MORN1: variants seen among roughly 807,000 people sequenced by gnomAD.
The protein encoded by MORN1 is MORN repeat-containing protein 1.
MORN1 carries 67 observed loss-of-function variants against 61.9 expected under a neutral mutation model. That is an observed-to-expected ratio of 1.08 (90% CI 0.89 to 1.33). The LOEUF (loss-of-function observed/expected upper bound fraction) is 1.33, where lower values mean the gene tolerates loss of function less well. Among genes scored for constraint, MORN1 ranks in the 40% most tolerant of loss-of-function variants. The pLI, the probability that MORN1 is intolerant of heterozygous loss-of-function variation, is 0.00. For synonymous variants in MORN1, 301 were observed against 292.0 expected (o/e 1.03, Z -0.31); for missense variants, 752 against 691.2 (o/e 1.09, Z -0.99).
Position 2,348,742 on chromosome 1 carries a change from C to T in MORN1, c.1036+8690G>A, listed in dbSNP as rs545885833. Among the ~76,000 whole-genome samples, 458 of 132,852 alleles carry T rather than the reference C, an allele frequency of 3.4e-3. 16 individuals are homozygous for T. Among genetic ancestry groups the T allele is most frequent in the African/African-American group, 0.013 (433 of 33,412 alleles). 87.2% of individuals were successfully genotyped at this position (132,852 alleles called of 152,430 possible). On this transcript the variant is annotated intron_variant, in intron 10 of 13. Transcript: ENST00000378531. ...GCGGGCACGCACACGCACACCTGCGCGGGCACGCACACACACGCACACCTG... is the reference window on the plus strand; with the variant it reads ...GCGGGCACGCACACGCACACCTGCGTGGGCACGCACACACACGCACACCTG...
At chr1:2,336,619 C>A (rs762978189) in intron 11 of MORN1, 71 bp from the exon 12 acceptor site, 4 of 1,591,000 alleles carry the variant, frequency 2.5e-6, no homozygotes, top group Non-Finnish European at 3.4e-6. Flanking sequence ...CTGCTCCAAC[C>A]CCCCTGGGGC....
At chr1:2,333,320 G>A (rs756005688) in intron 12 of MORN1, among the ~76,000 whole-genome samples, 1 of 152,180 alleles carries the variant, frequency 6.6e-6, no homozygotes, top group Non-Finnish European at 1.5e-5. Context: ...CCCAGCAGCC[G>A]GGTCAGCCCC....
chr1:2,390,374 T>TGAGGCACACA (rs1464266871), intron 1 of MORN1: 1 of 968,190 alleles, frequency 1.0e-6, no homozygotes, highest in African/African-American at 1.8e-5. Flanking sequence ...GCAGTGTCAG[T>TGAGGCACACA]GAGGCACACA....
rs1228803665 is a variant in MORN1 at position 2,372,016 on chromosome 1, A to T, written c.745+465T>A. 1.2e-5 allele frequency: 2 copies of T among 172,796 alleles called. No individual in the cohort carries two copies. The highest frequency in any genetic ancestry group is 4.7e-5 in the African/African-American group (2 of 42,158). 10.7% of individuals were successfully genotyped at this position (172,796 alleles called of 1,614,324 possible). A position where few individuals can be genotyped will look rare whatever the true frequency, so the allele number is the denominator to read the frequency against. On this transcript the variant is annotated intron_variant, in intron 8 of 13. Coordinates refer to ENST00000378531, the MANE Select transcript of MORN1 (RefSeq NM_024848.3). This position sits in a 1 kb window ranked among gnomAD's most constrained non-coding sequence, Gnocchi z 5.4. ...AAAACACATTCACACAAAAACTTGT[A>T]TACACATGTCCACAGCAGCACTATT...
intron 12 of MORN1, 126 bp from the exon 13 acceptor site, chr1:2,324,269 C>A: frequency 1.1e-6 from 1 of 932,306 alleles, no homozygotes; most frequent in Middle Eastern, 2.7e-4. Flanking sequence ...CAGAGGCCTG[C>A]GAACCCCACC....
intron 8 of MORN1, among the ~76,000 whole-genome samples, chr1:2,367,355 T>C (rs1642019169): frequency 6.6e-6 from 1 of 150,672 alleles, no homozygotes; most frequent in South Asian, 2.1e-4. Context: ...CTTGGTGGCT[T>C]ATGCCTGTGA....
chr1:2,323,898 C>CCCAGCCTCCAAGCCA (rs1553205277), intron 13 of MORN1, 199 bp downstream of exon 13: 1 of 985,154 alleles, frequency 1.0e-6, no homozygotes, highest in African/African-American at 1.7e-5. Flanking sequence ...CTGGACCGTC[C>CCCAGCCTCCAAGCCA]CCAGCCCCCA....
In MORN1 at chr1:2,336,839, C is replaced by T; in HGVS notation, c.1048G>A (p.Ala350Thr). ...TGACAGGCCCCGGGACAATGGGGCG[C>T]ATGTCCCCTGGCTGAGGAGACAGAA... ...TPGGLLARGHAPHCPGACQRV... is the reference protein window; with the variant it reads ...TPGGLLARGHTPHCPGACQRV... Residue 350 changes from alanine (A) to threonine (T), a missense_variant, in exon 11 of 14, where the codon GCG becomes ACG. Coordinates refer to ENST00000378531, the MANE Select transcript of MORN1 (RefSeq NM_024848.3). 3 of 1,572,288 alleles carry T rather than the reference C, an allele frequency of 1.9e-6. No homozygotes were observed. The highest frequency in any genetic ancestry group is 2.6e-6 in the Non-Finnish European group (3 of 1,162,038).
intron 8 of MORN1, among the ~76,000 whole-genome samples, 180 bp from the exon 9 acceptor site, chr1:2,358,895 C>G (rs541992858): frequency 1.3e-5 from 2 of 152,308 alleles, no homozygotes; most frequent in South Asian, 4.1e-4. Flanking sequence ...CTGCTCCTCT[C>G]CCATGCCCTG....
chr1:2,372,086 T>C lies in MORN1; in HGVS notation c.745+395A>G. 1 of 227,224 alleles carries C rather than the reference T, an allele frequency of 4.4e-6. No individual in the cohort carries two copies. Among genetic ancestry groups the C allele is most frequent in the Middle Eastern group, 7.0e-4 (1 of 1,428 alleles). 14.1% of individuals were successfully genotyped at this position (227,224 alleles called of 1,614,324 possible). ...AACAACTGCGATGGCCAGCAGCGGA[T>C]GAGTGGGGAAGCAGAAAGTAGCCCC... On this transcript the variant is annotated intron_variant, in intron 8 of 13. Coordinates refer to ENST00000378531, the MANE Select transcript of MORN1 (RefSeq NM_024848.3). This position sits in a 1 kb window ranked among gnomAD's most constrained non-coding sequence, Gnocchi z 5.4.
At chr1:2,347,616 C>T (rs1007363220) in intron 10 of MORN1, among the ~76,000 whole-genome samples, 14 of 152,252 alleles carry the variant, frequency 9.2e-5, no homozygotes, top group East Asian at 3.9e-4. Flanking sequence ...CCCATAGTCT[C>T]GGTGCAGGGG....
intron 6 of MORN1, among the ~76,000 whole-genome samples, chr1:2,382,296 T>G (rs1642389897): frequency 6.6e-6 from 1 of 152,136 alleles, no homozygotes; most frequent in African/African-American, 2.4e-5. Flanking sequence ...GGTGAGTGGC[T>G]GGGGGCCCCC....
intron 5 of MORN1, 40 bp downstream of exon 5, chr1:2,385,765 ATC>A (rs766258146): frequency 1.3e-6 from 2 of 1,570,344 alleles, no homozygotes; most frequent in African/African-American, 2.7e-5. Flanking sequence ...TGCCCTGTGT[ATC>A]TGTCATGCGC....
Position 2,321,367 on chromosome 1 carries a change from C to T in MORN1, c.*16G>A. The T allele has an allele frequency of 6.8e-7, 1 of 1,474,038 alleles. No homozygotes were observed. The highest frequency in any genetic ancestry group is 9.0e-7 in the Non-Finnish European group (1 of 1,105,548). 91.3% of individuals were successfully genotyped at this position (1,474,038 alleles called of 1,614,324 possible). ...CTTCCATTCACACCGAGGTGGCCTC[C>T]TGTGGACACGGGGCCTCACCGAGGC... On this transcript the variant is annotated 3_prime_UTR_variant, in exon 14 of 14. Transcript: ENST00000378531.
intron 13 of MORN1, chr1:2,322,713 G>C: frequency 1.0e-6 from 1 of 985,496 alleles, no homozygotes; most frequent in Non-Finnish European, 1.2e-6. Context: ...AAGCAGCCCG[G>C]TTTCTAGGTG....
chr1:2,363,788 AC>A, intron 8 of MORN1, among the ~76,000 whole-genome samples: 2 of 77,372 alleles, frequency 2.6e-5, no homozygotes, highest in Non-Finnish European at 4.3e-5. Context: ...AGTTAGAAAA[AC>A]AAACAAACAA....
chr1:2,353,134 C>T (rs557543725), intron 10 of MORN1, among the ~76,000 whole-genome samples: 60 of 152,314 alleles, frequency 3.9e-4, no homozygotes, highest in Non-Finnish European at 6.2e-4. Flanking sequence ...GGGAAGGACG[C>T]CTGTCTGGGA....
At chr1:2,329,000 A>C (rs1641092983) in intron 12 of MORN1, among the ~76,000 whole-genome samples, 1 of 152,200 alleles carries the variant, frequency 6.6e-6, no homozygotes, top group Non-Finnish European at 1.5e-5. Flanking sequence ...AGAAGGTCAG[A>C]GCTTGGATTC....
At chr1:2,374,398 G>A (rs1047871918) in intron 7 of MORN1, 63 bp downstream of exon 7, 16 of 1,433,854 alleles carry the variant, frequency 1.1e-5, no homozygotes, top group Middle Eastern at 3.6e-4. Context: ...ATGGCTGCCC[G>A]GGGGCCAGGG....
Sources: gnomAD v4.1 joint callset for allele counts (sites outside exome capture counted in the v4.1 genomes callset) on GRCh38, gnomAD v4.1.1 for gene constraint, Gnocchi (gnomAD v3.1) non-coding constraint, MANE v1.5 for transcripts, NCBI Gene and HGNC (gene_info 2026-07-23, HGNC 2026-07-21) for gene names.